The following ASPHD1 variants were observed in gnomAD, a reference collection of about 807,000 sequenced individuals.
ASPHD1 encodes aspartate beta-hydroxylase domain-containing protein 1.
In ASPHD1, 20 loss-of-function variants were observed where a neutral mutation model predicts 28.3. The ratio of observed to expected loss-of-function variants is 0.71; its 90% CI spans 0.50 to 1.03. The LOEUF (loss-of-function observed/expected upper bound fraction) is 1.03, where lower values mean the gene tolerates loss of function less well. Ranked by LOEUF, ASPHD1 falls within the 50% of genes least tolerant of loss-of-function variation. ASPHD1 has a pLI of 0.00. For synonymous variants in ASPHD1, 240 were observed against 221.2 expected (o/e 1.08, Z -0.75); for missense variants, 479 against 524.1 (o/e 0.91, Z 0.84).
chr16:29,909,094 T>G (rs1364536969), downstream of ASPHD1, among the ~76,000 whole-genome samples: 1 of 152,106 alleles, frequency 6.6e-6, no homozygotes, highest in African/African-American at 2.4e-5. Flanking sequence ...TAGCTTCCAC[T>G]GTGTGAAAAG....
Position 29,901,213 on chromosome 16 carries a change from C to G in ASPHD1, c.242C>G (p.Thr81Ser). ...CTACCCCTGGCCTCCTCGGCCCTCA[C>G]CTTGCTCTTCGGGGCCCTCACTTCC... Reference protein sequence around the residue: ...WPLPLASSALTLLFGALTSLF... With the variant: ...WPLPLASSALSLLFGALTSLF... The change falls in exon 1 of 3, where the codon ACC becomes AGC. Residue 81 changes from threonine to serine, a missense_variant. Transcript: ENST00000308748. The surrounding 1 kb of genome is among the most constrained non-coding windows in gnomAD (Gnocchi z 5.1). The G allele has an allele frequency of 1.2e-6, 2 of 1,613,884 alleles. No homozygotes were observed. The highest frequency in any genetic ancestry group is 1.7e-6 in the Non-Finnish European group (2 of 1,179,946).
At chr16:29,908,747 G>T (rs1409046050), downstream of ASPHD1, among the ~76,000 whole-genome samples, 1 of 150,300 alleles carries the variant, frequency 6.7e-6, no homozygotes. Context: ...CTGTTGCCTA[G>T]GCTGGAGTGC....
At position 29,912,451 on chromosome 16, in the gene ASPHD1, T is replaced by C. The variant is rs2068731221; in HGVS notation, c.*62+6492T>C. On this transcript the variant is annotated intron_variant and NMD_transcript_variant, in intron 3 of 3. Coordinates refer to the ASPHD1 transcript ENST00000414952. The stretch of plus-strand genomic sequence containing the variant: ...CCTTTTGTGTTATCAGTTTTCTTTT[T>C]CTTTTTTTGAGACAGAGTTTCGCTT... 4.6e-5 allele frequency: 11 copies of C among 237,930 alleles called. 1 individual carries two copies. In the South Asian group the frequency reaches 6.3e-4, roughly 14 times the overall value. The allele number at this position is 237,930 out of a possible 1,614,324, so 14.7% of individuals were successfully genotyped here. A position where few individuals can be genotyped will look rare whatever the true frequency, so the allele number is the denominator to read the frequency against.
rs1001577892 is a variant in ASPHD1, at chr16:29,904,339, G to A, written c.950-513G>A. On this transcript the variant is annotated intron_variant, in intron 1 of 2. Transcript: ENST00000308748. ...CAGGCAGCTGTAATCCTAGCTACTC[G>A]GGAGGCTGAGGCAGGAGAATTGCTT... 5.6e-4 allele frequency among the ~76,000 whole-genome samples: 85 copies of A among 151,882 alleles called. 2 individuals carry two copies. Among genetic ancestry groups the A allele is most frequent in the Admixed American group, 3.0e-3 (46 of 15,240 alleles).
Position 29,905,670 on chromosome 16 carries a change from AGG to A in ASPHD1, c.1064-116_1064-115del, listed in dbSNP as rs562815094. The A allele has an allele frequency of 9.9e-5, 51 of 517,456 alleles. No homozygotes were observed. In the East Asian group the frequency reaches 1.6e-3, roughly 17 times the overall value. The allele number at this position is 517,456 out of a possible 1,614,324, so 32.1% of individuals were successfully genotyped here. A position where few individuals can be genotyped will look rare whatever the true frequency, so the allele number is the denominator to read the frequency against. On this transcript the variant is annotated intron_variant, in intron 2 of 2. Coordinates refer to ENST00000308748, the MANE Select transcript of ASPHD1 (RefSeq NM_181718.4). The stretch of plus-strand genomic sequence containing the variant: ...AAAAAAAAAGATTTGATACATTTAA[AGG>A]GTTAGAACAAGGCCTGCCACTTATT...
Position 29,901,537 on chromosome 16 carries a change from TGCTTTTCCTACCAGACCTGCCTTCA to T in ASPHD1, c.569_593del (p.Leu190ProfsTer30). 1 of 1,569,530 alleles carries T rather than the reference TGCTTTTCCTACCAGACCTGCCTTCA, an allele frequency of 6.4e-7. No homozygotes were observed. On this transcript the variant is annotated frameshift_variant, in exon 1 of 3. Transcript: ENST00000308748. LOFTEE classifies it high-confidence loss of function. The surrounding 1 kb of genome is among the most constrained non-coding windows in gnomAD (Gnocchi z 5.1). ...GTCCTAGGTATTCAGCGCCCAGGCCTGCTTTTCCTACCAGACCTGCCTTCAGCCCCCTTTGTGCCGCGGGACGCCC... is the reference window on the plus strand; with the variant it reads ...GTCCTAGGTATTCAGCGCCCAGGCCTGCCCCCTTTGTGCCGCGGGACGCCC...
At chr16:29,908,747 G>A (rs1409046050), downstream of ASPHD1, among the ~76,000 whole-genome samples, 1 of 150,300 alleles carries the variant, frequency 6.7e-6, no homozygotes, top group East Asian at 2.0e-4. Context: ...CTGTTGCCTA[G>A]GCTGGAGTGC....
downstream of ASPHD1, chr16:29,910,919 C>T (rs1220394192): frequency 2.6e-6 from 4 of 1,513,074 alleles, no homozygotes; most frequent in African/African-American, 2.8e-5. Flanking sequence ...CTGCTTTTGT[C>T]CAGGGTCCTG....
chr16:29,905,982 TGCGGGGGTGG>T lies in ASPHD1; in HGVS notation c.*93_*102del. 4.0e-6 allele frequency: 2 copies of T among 495,800 alleles called. No homozygotes were observed. Among genetic ancestry groups the T allele is most frequent in the Non-Finnish European group, 7.3e-6 (2 of 274,830 alleles). The allele number at this position is 495,800 out of a possible 1,614,324, so 30.7% of individuals were successfully genotyped here. A position where few individuals can be genotyped will look rare whatever the true frequency, so the allele number is the denominator to read the frequency against. ...ATGGTAGCCAGGACCTCCTCTCTAC[TGCGGGGGTGG>T]GCGGGGGCGGAGGATGGGAACTGGC... On this transcript the variant is annotated 3_prime_UTR_variant, in exon 3 of 3. Transcript: ENST00000308748.
chr16:29,905,785 T>G lies in ASPHD1; in HGVS notation c.1064-3T>G. ...TCTGCTGTTCCTGTCCCATGTGCCCTAGGCTCCCCCGAAGATGGGCCTCGA... is the reference window on the plus strand; with the variant it reads ...TCTGCTGTTCCTGTCCCATGTGCCCGAGGCTCCCCCGAAGATGGGCCTCGA... On this transcript the variant is annotated splice_region_variant and splice_polypyrimidine_tract_variant and intron_variant, in intron 2 of 2. Coordinates refer to ENST00000308748, the MANE Select transcript of ASPHD1 (RefSeq NM_181718.4). The G allele has an allele frequency of 6.2e-7, 1 of 1,613,152 alleles. No homozygotes were observed. Among genetic ancestry groups the G allele is most frequent in the Non-Finnish European group, 8.5e-7 (1 of 1,179,250 alleles).
rs553376532 is a variant in ASPHD1 at position 29,913,531 on chromosome 16, C to T, written c.*63-6000C>T. The T allele has an allele frequency of 2.0e-5, 3 of 152,322 alleles. No individual in the cohort carries two copies. In the South Asian group the frequency reaches 6.2e-4, roughly 32 times the overall value. 9.4% of individuals were successfully genotyped at this position (152,322 alleles called of 1,614,324 possible). On this transcript the variant is annotated intron_variant and NMD_transcript_variant, in intron 3 of 3. Coordinates refer to the ASPHD1 transcript ENST00000414952. ...CTTAAATTAACAATATTTATTACTT[C>T]TGTTTCTGAGGGTCAGGATCTCAGC...
chr16:29,910,853 C>G (rs1445371990), downstream of ASPHD1: 6 of 824,130 alleles, frequency 7.3e-6, no homozygotes, highest in Non-Finnish European at 5.7e-6. Flanking sequence ...GTTGTGCACC[C>G]CAGACCCCAG....
At chr16:29,911,280 C>A (rs1046052642) in intron 3 of ASPHD1, 12 of 871,578 alleles carry the variant, frequency 1.4e-5, no homozygotes, top group Non-Finnish European at 2.0e-5. Context: ...CTGCCCAGGG[C>A]TTTGGTGCTC....
intron 3 of ASPHD1, among the ~76,000 whole-genome samples, chr16:29,916,875 T>A (rs867266238): frequency 1.9e-4 from 29 of 152,192 alleles, no homozygotes; most frequent in African/African-American, 6.3e-4. Context: ...GCTCTGGTTC[T>A]GAGACAGGTC....
At chr16:29,916,679 C>T (rs971076416) in intron 3 of ASPHD1, among the ~76,000 whole-genome samples, 23 of 152,174 alleles carry the variant, frequency 1.5e-4, no homozygotes, top group Non-Finnish European at 3.4e-4. Flanking sequence ...GCCTGGCCGA[C>T]AGAGCAAGAC....
chr16:29,906,794 G>T, downstream of ASPHD1: 1 of 1,317,032 alleles, frequency 7.6e-7, no homozygotes, highest in Non-Finnish European at 1.1e-6. Context: ...CAGAGCCGGG[G>T]CAAAAGTCTG....
At chr16:29,906,605 C>G, downstream of ASPHD1, 1 of 636,118 alleles carries the variant, frequency 1.6e-6, no homozygotes, top group Non-Finnish European at 2.9e-6. Flanking sequence ...CCCTCTTAAC[C>G]AGCTGGAGAG....
At chr16:29,911,937 C>G (rs372064520) in intron 3 of ASPHD1, 2 of 1,609,788 alleles carry the variant, frequency 1.2e-6, no homozygotes, top group East Asian at 2.2e-5. Context: ...GAGCCTCCAC[C>G]CTGCAGGGCT....
Position 29,905,844 on chromosome 16 carries a change from G to A in ASPHD1, c.1120G>A (p.Val374Met), listed in dbSNP as rs185373918. ...VFIVDLWHPN[V>M]AGAERQALDF... ...CATCGTGGACCTCTGGCACCCCAAC[G>A]TGGCAGGGGCTGAGCGCCAGGCCCT... Residue 374 changes from valine (V) to methionine (M), a missense_variant, in exon 3 of 3, where the codon GTG (valine) becomes ATG (methionine). Physicochemically the swap from Val to Met is conservative, Grantham distance 21. Transcript: ENST00000308748. 20 of 1,613,778 alleles carry A rather than the reference G, an allele frequency of 1.2e-5. No homozygotes were observed. Among genetic ancestry groups the A allele is most frequent in the South Asian group, 3.3e-5 (3 of 91,060 alleles).
Sources: gnomAD v4.1 joint callset for allele counts (sites outside exome capture counted in the v4.1 genomes callset) on GRCh38, gnomAD v4.1.1 for gene constraint, Gnocchi (gnomAD v3.1) non-coding constraint, MANE v1.5 for transcripts, NCBI Gene and HGNC (gene_info 2026-07-23, HGNC 2026-07-21) for gene names.